EPHA4: variants seen among roughly 807,000 people sequenced by gnomAD.
The protein encoded by EPHA4 is EPH receptor A4.
Under a neutral mutation model 108.3 loss-of-function variants are expected in EPHA4, and 19 were observed. That is an observed-to-expected ratio of 0.18 (90% CI 0.12 to 0.26). The LOEUF (loss-of-function observed/expected upper bound fraction) is 0.26. Among genes scored for constraint, EPHA4 ranks in the 10% least tolerant of loss-of-function variants. The probability of loss-of-function intolerance (pLI) is 1.00; values close to 1 mark genes in which losing one functional copy is unlikely to be tolerated. For missense variants in EPHA4, 917 were observed against 1,254.0 expected (o/e 0.73, Z 4.06); for synonymous variants, 449 against 455.5 (o/e 0.99, Z 0.18).
chr2:221,433,183 G>T (rs1414185852), intron 14 of EPHA4, among the ~76,000 whole-genome samples: 1 of 152,090 alleles, frequency 6.6e-6, no homozygotes, highest in Non-Finnish European at 1.5e-5. Context: ...AGTGCACGTG[G>T]CTCTAACTGT....
At chr2:221,539,983 G>A (rs1054048052) in intron 3 of EPHA4, among the ~76,000 whole-genome samples, 3 of 151,890 alleles carry the variant, frequency 2.0e-5, no homozygotes, top group African/African-American at 4.8e-5. Flanking sequence ...AATATACCAC[G>A]ATCTCCACTC....
chr2:221,522,599 G>A (rs1260782414), intron 3 of EPHA4, among the ~76,000 whole-genome samples: 2 of 152,006 alleles, frequency 1.3e-5, no homozygotes, highest in Non-Finnish European at 2.9e-5. Context: ...CCCAAAATGT[G>A]TTTCAAACAA....
At chr2:221,548,473 C>A (rs1022298892) in intron 3 of EPHA4, among the ~76,000 whole-genome samples, 7 of 152,102 alleles carry the variant, frequency 4.6e-5, no homozygotes, top group African/African-American at 1.7e-4. Flanking sequence ...CTTCCTGAGG[C>A]CTCACCAGAA....
At chr2:221,550,894 CA>C (rs780858030) in intron 3 of EPHA4, among the ~76,000 whole-genome samples, 6 of 150,976 alleles carry the variant, frequency 4.0e-5, no homozygotes, top group Non-Finnish European at 5.9e-5. Flanking sequence ...TACAACAAAC[CA>C]AAAAAGCAAC....
At chr2:221,520,502 C>T (rs1485484191) in intron 3 of EPHA4, among the ~76,000 whole-genome samples, 1 of 105,608 alleles carries the variant, frequency 9.5e-6, no homozygotes, top group Non-Finnish European at 1.9e-5. Context: ...CTTATTTCCT[C>T]TAACCACACA....
At chr2:221,444,744 CTTTTTTTTTTTTTT>C (rs71266317) in intron 9 of EPHA4, among the ~76,000 whole-genome samples, 15 of 74,986 alleles carry the variant, frequency 2.0e-4, no homozygotes, top group African/African-American at 5.4e-4. Flanking sequence ...TTTTTTCTAT[CTTTTTTTTTTTTTT>C]TTTTTTTTTT....
rs372102840 is a variant in EPHA4, at chr2:221,425,977, C to T, written c.*51G>A. 1 of 1,458,936 alleles carries T rather than the reference C, an allele frequency of 6.9e-7. No homozygotes were observed. Among genetic ancestry groups the T allele is most frequent in the Non-Finnish European group, 9.6e-7 (1 of 1,040,994 alleles). The allele number at this position is 1,458,936 out of a possible 1,614,324, so 90.4% of individuals were successfully genotyped here. Reference sequence around the variant, plus strand: ...AAAGTGCAGTTCTTCAATTAAAGTGCATGGATGAGGTAAACTAATTTCAAG... The same window carrying T: ...AAAGTGCAGTTCTTCAATTAAAGTGTATGGATGAGGTAAACTAATTTCAAG... On this transcript the variant is annotated 3_prime_UTR_variant, in exon 17 of 18. Transcript: ENST00000281821.
At chr2:221,510,664 C>G (rs1210636047) in intron 3 of EPHA4, among the ~76,000 whole-genome samples, 2 of 152,150 alleles carry the variant, frequency 1.3e-5, no homozygotes, top group Non-Finnish European at 2.9e-5. Flanking sequence ...CCAGAAGAAA[C>G]TTTACATAAA....
At chr2:221,572,066 C>A (rs1433435652) in intron 1 of EPHA4, 92 bp downstream of exon 1, 2 of 1,067,124 alleles carry the variant, frequency 1.9e-6, no homozygotes, top group Non-Finnish European at 2.9e-6. Context: ...ACTGGGCTCC[C>A]CCCGCACCAC....
In EPHA4 at chr2:221,564,275, C is replaced by A. The variant is rs774914483; in HGVS notation, c.279G>T (p.Gly93=). ...WLRTDWITRE[G]AQRVYIEIKF... is the part of the protein sequence containing the mutation. ...TAATCTCAATATACACCCTCTGAGC[C>A]CCTTCTCGGGTGATCCAATCAGTTC... Residue 93 remains glycine (G), a synonymous_variant, in exon 3 of 18, where the codon GGG becomes GGT. Coordinates refer to ENST00000281821, the MANE Select transcript of EPHA4 (RefSeq NM_004438.5). 42 of 1,614,024 alleles carry A rather than the reference C, an allele frequency of 2.6e-5. No individual in the cohort carries two copies. The Admixed American group carries it at 6.8e-4, about 26-fold the overall frequency.
chr2:221,565,947 ATGAACTTTGCAGCC>A (rs1209388856), intron 2 of EPHA4, among the ~76,000 whole-genome samples: 1 of 152,188 alleles, frequency 6.6e-6, no homozygotes, highest in East Asian at 1.9e-4. Context: ...CAGGTCTAAT[ATGAACTTTGCAGCC>A]TGAACGTAAT....
At chr2:221,445,723 T>A (rs1334589051) in intron 9 of EPHA4, among the ~76,000 whole-genome samples, 1 of 152,086 alleles carries the variant, frequency 6.6e-6, no homozygotes, top group Non-Finnish European at 1.5e-5. Flanking sequence ...TAATTCTATA[T>A]CACATATAGC....
At chr2:221,500,964 T>C (rs1692468868) in intron 4 of EPHA4, 53 bp downstream of exon 4, 3 of 1,485,144 alleles carry the variant, frequency 2.0e-6, no homozygotes, top group East Asian at 2.5e-5. Flanking sequence ...CCTTGCTAGG[T>C]GGTAATGAAA....
chr2:221,445,589 GAAA>G (rs35067500), intron 9 of EPHA4, among the ~76,000 whole-genome samples: 2 of 88,404 alleles, frequency 2.3e-5, no homozygotes, highest in African/African-American at 4.8e-5. Context: ...GACTCCGTCA[GAAA>G]AAAAAAAAAA....
chr2:221,564,887 CAAAAAAAAAA>C (rs1233305564), intron 2 of EPHA4, among the ~76,000 whole-genome samples: 2 of 73,066 alleles, frequency 2.7e-5, no homozygotes, highest in Non-Finnish European at 5.8e-5. Flanking sequence ...TCTAATACCT[CAAAAAAAAAA>C]AAAAAAAAAA....
intron 5 of EPHA4, among the ~76,000 whole-genome samples, chr2:221,472,543 G>A (rs1296006993): frequency 7.2e-5 from 11 of 152,054 alleles, no homozygotes. Flanking sequence ...GTATGCACAT[G>A]TCACAGACAA....
chr2:221,505,024 C>T (rs1299849020), intron 3 of EPHA4, among the ~76,000 whole-genome samples: 3 of 152,124 alleles, frequency 2.0e-5, no homozygotes, highest in East Asian at 1.9e-4. Context: ...CTCTTGCTGC[C>T]TTTATCAGCC....
intron 5 of EPHA4, among the ~76,000 whole-genome samples, chr2:221,466,060 C>T (rs1311743612): frequency 6.6e-6 from 1 of 152,160 alleles, no homozygotes; most frequent in Non-Finnish European, 1.5e-5. Context: ...AACTGGAATG[C>T]GCTGCCCTGA....
At chr2:221,513,682 T>C (rs931446409) in intron 3 of EPHA4, among the ~76,000 whole-genome samples, 1 of 152,300 alleles carries the variant, frequency 6.6e-6, no homozygotes, top group African/African-American at 2.4e-5. Context: ...TTTCTGAAAG[T>C]TTTTGAGCAC....
Sources: gnomAD v4.1 joint callset for allele counts (sites outside exome capture counted in the v4.1 genomes callset) on GRCh38, gnomAD v4.1.1 for gene constraint, MANE v1.5 for transcripts, NCBI Gene and HGNC (gene_info 2026-07-23, HGNC 2026-07-21) for gene names.